The following FGF12 variants were observed in gnomAD, a reference collection of about 807,000 sequenced individuals.
FGF12 encodes fibroblast growth factor 12B.
FGF12 carries 14 observed loss-of-function variants against 23.6 expected under a neutral mutation model. That is an observed-to-expected ratio of 0.59 (90% CI 0.39 to 0.93). The LOEUF is 0.93. FGF12 is among the 40% of genes least tolerant of loss of function. The probability of loss-of-function intolerance (pLI) is 0.00; values close to 1 mark genes in which losing one functional copy is unlikely to be tolerated. For missense variants in FGF12, 175 were observed against 217.8 expected (o/e 0.80, Z 1.24); for synonymous variants, 62 against 77.3 (o/e 0.80, Z 1.04).
chr3:192,345,130 AAT>A (rs1717890394), intron 3 of FGF12, among the ~76,000 whole-genome samples: 1 of 152,344 alleles, frequency 6.6e-6, no homozygotes, highest in African/African-American at 2.4e-5. Flanking sequence ...TTTATTCATT[AAT>A]TCATCACATA....
At chr3:192,343,723 C>T (rs1242553547) in intron 3 of FGF12, among the ~76,000 whole-genome samples, 1 of 152,126 alleles carries the variant, frequency 6.6e-6, no homozygotes, top group East Asian at 1.9e-4. Context: ...AATTCCACAG[C>T]ATTCCATACA....
At chr3:192,437,398 G>C (rs750493499) in intron 2 of FGF12, among the ~76,000 whole-genome samples, 1 of 152,106 alleles carries the variant, frequency 6.6e-6, no homozygotes. Flanking sequence ...GAATGTGTAA[G>C]AGTGAGCAAA....
chr3:192,276,635 TTA>T (rs2108634790), intron 4 of FGF12, among the ~76,000 whole-genome samples: 1 of 152,218 alleles, frequency 6.6e-6, no homozygotes, highest in Non-Finnish European at 1.5e-5. Context: ...TTTCCTGAGG[TTA>T]GCCATAGAAA....
intron 2 of FGF12, among the ~76,000 whole-genome samples, chr3:192,703,880 T>A (rs1560199787): frequency 6.6e-6 from 1 of 152,178 alleles, no homozygotes; most frequent in Non-Finnish European, 1.5e-5. Context: ...TTTTAAAAAT[T>A]TTTTTGTAGA....
chr3:192,239,258 A>G lies in FGF12; in HGVS notation c.229-68602T>C, dbSNP rs193267101. Among the ~76,000 whole-genome samples the G allele has an allele frequency of 4.3e-4, 66 of 152,340 alleles. 1 individual carries two copies. The highest frequency in any genetic ancestry group is 3.8e-4 in the Non-Finnish European group (26 of 68,036). On this transcript the variant is annotated intron_variant, in intron 4 of 5. Coordinates refer to ENST00000445105, the MANE Select transcript of FGF12 (RefSeq NM_004113.6). Reference sequence around the variant, plus strand: ...TTTAATGTTATTCAAAATGAACAATAGAAAAATCCATGGAAACTTGTCCAT... The same window carrying G: ...TTTAATGTTATTCAAAATGAACAATGGAAAAATCCATGGAAACTTGTCCAT...
Position 192,631,784 on chromosome 3 carries a change from T to C in FGF12, c.13+95397A>G, listed in dbSNP as rs564082147. ...AAGACAGAGCAAATGGGTTTTGCAA[T>C]ATGTGATATACTATAAACCTAGAAA... On this transcript the variant is annotated intron_variant, in intron 2 of 5. Coordinates refer to ENST00000445105, the MANE Select transcript of FGF12 (RefSeq NM_004113.6). Among the ~76,000 whole-genome samples, 3 of 152,334 alleles carry C rather than the reference T, an allele frequency of 2.0e-5. No homozygotes were observed. In the East Asian group the frequency reaches 5.8e-4, roughly 29 times the overall value.
At chr3:192,609,608 A>T (rs1714474616) in intron 2 of FGF12, among the ~76,000 whole-genome samples, 2 of 152,012 alleles carry the variant, frequency 1.3e-5, no homozygotes, top group Non-Finnish European at 2.9e-5. Context: ...CTACTCTGAA[A>T]TCTCAGGAAA....
At chr3:192,464,996 C>T (rs868808618) in intron 2 of FGF12, among the ~76,000 whole-genome samples, 1 of 152,274 alleles carries the variant, frequency 6.6e-6, no homozygotes, top group Admixed American at 6.5e-5. Context: ...TTTCTTATTA[C>T]AGATCATGTA....
intron 2 of FGF12, among the ~76,000 whole-genome samples, chr3:192,544,566 T>C (rs879292831): frequency 2.0e-5 from 3 of 152,154 alleles, no homozygotes; most frequent in Non-Finnish European, 4.4e-5. Context: ...TACTGTAAAT[T>C]TATTTTATCT....
At chr3:192,694,157 C>T (rs894367780) in intron 2 of FGF12, among the ~76,000 whole-genome samples, 11 of 152,086 alleles carry the variant, frequency 7.2e-5, no homozygotes, top group Admixed American at 1.3e-4. Flanking sequence ...AGGTGCTCAA[C>T]GTCATTACGA....
rs1577199994 is a variant in FGF12, at chr3:192,170,801, G to C, written c.229-145C>G. 1.1e-5 allele frequency: 8 copies of C among 701,782 alleles called. No homozygotes were observed. In the East Asian group the frequency reaches 2.2e-4, roughly 19 times the overall value. The allele number at this position is 701,782 out of a possible 1,614,324, so 43.5% of individuals were successfully genotyped here. A position where few individuals can be genotyped will look rare whatever the true frequency, so the allele number is the denominator to read the frequency against. On this transcript the variant is annotated intron_variant, in intron 4 of 5. Coordinates refer to ENST00000445105, the MANE Select transcript of FGF12 (RefSeq NM_004113.6). ...GACACATAGTTTCTATTAGCCTTTG[G>C]TTACAAAGATTCATCATACAAAATC...
chr3:192,333,843 A>G (rs77343673), intron 4 of FGF12, among the ~76,000 whole-genome samples: 5,703 of 152,204 alleles, frequency 0.037, 210 homozygotes, highest in South Asian at 0.17. Flanking sequence ...TTACCCCACC[A>G]TGCGAAATGT....
intron 2 of FGF12, among the ~76,000 whole-genome samples, chr3:192,536,955 C>G (rs770995235): frequency 5.3e-5 from 8 of 152,106 alleles, no homozygotes; most frequent in Non-Finnish European, 1.2e-4. Context: ...CCCGCCACTA[C>G]ACTTCCTAGC....
intron 2 of FGF12, among the ~76,000 whole-genome samples, chr3:192,460,526 G>A (rs548269739): frequency 4.6e-5 from 7 of 151,856 alleles, no homozygotes; most frequent in East Asian, 1.9e-4. Context: ...CTTTAAACCC[G>A]CAAGCAGAGT....
intron 2 of FGF12, among the ~76,000 whole-genome samples, chr3:192,500,139 CT>C (rs1012090489): frequency 3.3e-5 from 5 of 152,158 alleles, no homozygotes; most frequent in Non-Finnish European, 7.4e-5. Context: ...CATAAGAAAC[CT>C]GCTAAGGATG....
chr3:192,599,032 T>A (rs111309621), intron 2 of FGF12, among the ~76,000 whole-genome samples: 3,434 of 152,066 alleles, frequency 0.023, 81 homozygotes, highest in African/African-American at 0.06. Flanking sequence ...AAACACCACA[T>A]ATTCTCACTC....
intron 5 of FGF12, among the ~76,000 whole-genome samples, chr3:192,163,787 A>T (rs1560173950): frequency 6.6e-6 from 1 of 151,548 alleles, no homozygotes; most frequent in Non-Finnish European, 1.5e-5. Context: ...ACCAATTCTA[A>T]CAAAGAAAAT....
intron 2 of FGF12, among the ~76,000 whole-genome samples, chr3:192,376,663 C>T (rs1355614370): frequency 6.6e-6 from 1 of 152,138 alleles, no homozygotes; most frequent in East Asian, 1.9e-4. Flanking sequence ...CGCCTGACCG[C>T]TATATAATCA....
intron 4 of FGF12, among the ~76,000 whole-genome samples, chr3:192,303,672 G>A (rs1168254411): frequency 2.0e-5 from 3 of 152,132 alleles, no homozygotes; most frequent in Non-Finnish European, 4.4e-5. Context: ...GGTGGATTAC[G>A]CTTAGGTTTT....
Sources: allele counts gnomAD v4.1 joint callset (sites outside exome capture counted in the v4.1 genomes callset), GRCh38; gene constraint gnomAD v4.1.1; transcripts MANE v1.5; gene names NCBI Gene and HGNC (gene_info 2026-07-23, HGNC 2026-07-21).